Variants in CHRFAM7A observed in about 807,000 individuals in gnomAD.
CHRFAM7A encodes CHRNA7 (exons 5-10) and FAM7A (exons A-E) fusion.
Under a neutral mutation model 29.2 loss-of-function variants are expected in CHRFAM7A, and 3 were observed. The ratio of observed to expected loss-of-function variants is 0.10; its 90% CI spans 0.05 to 0.27. The LOEUF is 0.27. Ranked by LOEUF, CHRFAM7A falls within the 10% of genes least tolerant of loss-of-function variation. CHRFAM7A has a pLI of 1.00. For missense variants in CHRFAM7A, 22 were observed against 328.0 expected (o/e 0.07, Z 7.21); for synonymous variants, 7 against 135.4 (o/e 0.05, Z 6.58).
Position 30,373,321 on chromosome 15 carries a change from G to A in CHRFAM7A, c.161-176C>T, listed in dbSNP as rs202076538. ...ATCTGTAAAACAGAATCTCAGCTAA[G>A]CTTCACTGTCTTTTAAAATCCAAAC... is the stretch of plus-strand genomic sequence containing the variant. On this transcript the variant is annotated intron_variant, in intron 5 of 9. Coordinates refer to ENST00000299847, the MANE Select transcript of CHRFAM7A (RefSeq NM_139320.2). Among the ~76,000 whole-genome samples the A allele has an allele frequency of 8.6e-3, 1,284 of 148,518 alleles. 102 individuals carry two copies. The highest frequency in any genetic ancestry group is 0.084 in the East Asian group (420 of 4,994).
chr15:30,371,630 G>A (rs922640806), intron 7 of CHRFAM7A, among the ~76,000 whole-genome samples: 1 of 149,102 alleles, frequency 6.7e-6, no homozygotes, highest in Non-Finnish European at 1.5e-5. Flanking sequence ...CAGAAGATAT[G>A]GGTTTGGGAA....
intron 5 of CHRFAM7A, among the ~76,000 whole-genome samples, chr15:30,375,813 TGTGA>T (rs2058923299): frequency 6.6e-6 from 1 of 150,528 alleles, no homozygotes; most frequent in Non-Finnish European, 1.5e-5. Context: ...TGAGTGGTTG[TGTGA>T]GTGGTGTGTG....
chr15:30,363,081 G>A (rs149179555), intron 9 of CHRFAM7A, among the ~76,000 whole-genome samples: 3,144 of 145,644 alleles, frequency 0.022, 3 homozygotes, highest in Middle Eastern at 0.061. Flanking sequence ...AGACAGCTTC[G>A]TGGAAGGGGA....
Position 30,362,212 on chromosome 15 carries a change from C to CGG in CHRFAM7A, c.*80_*81insCC. ...TGGAGTTGTGGCGTGTAATGCTGTC[C>CGG]TGGATTAGCACCCCCAAATCTCGCC... On this transcript the variant is annotated 3_prime_UTR_variant, in exon 10 of 10. Transcript: ENST00000299847. 5.1e-5 allele frequency: 4 copies of CGG among 78,430 alleles called. No homozygotes were observed. The highest frequency in any genetic ancestry group is 4.2e-5 in the Non-Finnish European group (2 of 47,244). 4.9% of individuals were successfully genotyped at this position (78,430 alleles called of 1,614,324 possible). A position where few individuals can be genotyped will look rare whatever the true frequency, so the allele number is the denominator to read the frequency against.
At chr15:30,367,653 C>T (rs3743434) in intron 8 of CHRFAM7A, 126 bp from the exon 9 acceptor site, 130,504 of 1,170,162 alleles carry the variant, frequency 0.11, 137 homozygotes, top group East Asian at 0.14. Flanking sequence ...CCCATGTGTC[C>T]AGGCCTGCAG....
At chr15:30,376,150 G>C (rs1249397213) in intron 5 of CHRFAM7A, among the ~76,000 whole-genome samples, 2 of 151,234 alleles carry the variant, frequency 1.3e-5, no homozygotes, top group African/African-American at 4.9e-5. Context: ...GTGTGTGTGA[G>C]TGGTGTGTGT....
At chr15:30,374,019 A>AGAT (rs1323031726) in intron 5 of CHRFAM7A, among the ~76,000 whole-genome samples, 4 of 145,284 alleles carry the variant, frequency 2.8e-5, no homozygotes, top group Admixed American at 1.4e-4. Context: ...AAGAACAGAT[A>AGAT]GATAGGTTTA....
At chr15:30,377,510 GT>G (rs1321795106) in intron 4 of CHRFAM7A, among the ~76,000 whole-genome samples, 7 of 141,146 alleles carry the variant, frequency 5.0e-5, no homozygotes, top group Admixed American at 4.4e-4. Flanking sequence ...TTCACTCGCT[GT>G]GTCCAAAGCT....
chr15:30,363,161 G>C (rs961225665), intron 9 of CHRFAM7A, among the ~76,000 whole-genome samples: 9 of 148,924 alleles, frequency 6.0e-5, no homozygotes, highest in African/African-American at 2.3e-4. Context: ...TGTAACCCGG[G>C]GACCTTCAGA....
chr15:30,372,406 A>T, intron 6 of CHRFAM7A, 65 bp from the exon 7 acceptor site: 1 of 582,836 alleles, frequency 1.7e-6, no homozygotes, highest in Admixed American at 5.3e-5. Context: ...GTTTATTTCA[A>T]TGTGTATACC....
At chr15:30,375,865 T>A (rs1242653801) in intron 5 of CHRFAM7A, among the ~76,000 whole-genome samples, 1 of 115,462 alleles carries the variant, frequency 8.7e-6, no homozygotes, top group African/African-American at 2.9e-5. Flanking sequence ...AGTGGTTGTG[T>A]GAGTGGTGTG....
chr15:30,376,023 TTGTG>T (rs1243047156), intron 5 of CHRFAM7A, among the ~76,000 whole-genome samples: 350 of 147,604 alleles, frequency 2.4e-3, no homozygotes, highest in African/African-American at 8.7e-3. Context: ...GTGTGTGTGA[TTGTG>T]AGTGGTGTGT....
intron 5 of CHRFAM7A, among the ~76,000 whole-genome samples, chr15:30,374,008 CAAG>C (rs939600391): frequency 2.7e-5 from 4 of 145,764 alleles, no homozygotes; most frequent in Admixed American, 1.4e-4. Flanking sequence ...CAAACAAAAA[CAAG>C]AACAGATAGA....
chr15:30,375,566 G>A (rs1396014366), intron 5 of CHRFAM7A, among the ~76,000 whole-genome samples: 1 of 150,014 alleles, frequency 6.7e-6, no homozygotes, highest in Admixed American at 6.7e-5. Context: ...GTTTGAGAGT[G>A]CATGCCTGCA....
intron 9 of CHRFAM7A, among the ~76,000 whole-genome samples, chr15:30,367,127 CA>C (rs567819333): frequency 3.3e-5 from 5 of 149,870 alleles, no homozygotes; most frequent in African/African-American, 4.9e-5. Flanking sequence ...ACTAAAAATA[CA>C]AAAAAAAATT....
chr15:30,376,095 G>A (rs865944078), intron 5 of CHRFAM7A, among the ~76,000 whole-genome samples: 5 of 37,586 alleles, frequency 1.3e-4, no homozygotes, highest in Non-Finnish European at 2.1e-4. Context: ...TAGTGTGAGT[G>A]GTGTGAGTGG....
chr15:30,390,042 CTT>C, intron 1 of CHRFAM7A, among the ~76,000 whole-genome samples: 1 of 108,130 alleles, frequency 9.2e-6, no homozygotes, highest in Non-Finnish European at 1.9e-5. Context: ...TGGAGGAAAA[CTT>C]AATATTGTTA....
chr15:30,372,451 TAAA>T (rs539274287), intron 6 of CHRFAM7A, 110 bp from the exon 7 acceptor site: 35 of 47,318 alleles, frequency 7.4e-4, no homozygotes, highest in East Asian at 2.0e-3. Flanking sequence ...TGCAAAGTGC[TAAA>T]AAAAAAAAAG....
chr15:30,389,963 A>C (rs1348838994), intron 1 of CHRFAM7A, among the ~76,000 whole-genome samples: 6 of 73,108 alleles, frequency 8.2e-5, no homozygotes, highest in African/African-American at 2.7e-4. Flanking sequence ...GTAGGTCTGC[A>C]TTCAACACAA....
Sources: gnomAD v4.1 joint callset for allele counts (sites outside exome capture counted in the v4.1 genomes callset) on GRCh38, gnomAD v4.1.1 for gene constraint, MANE v1.5 for transcripts, NCBI Gene and HGNC (gene_info 2026-07-23, HGNC 2026-07-21) for gene names.